The following WDR27 variants were observed in gnomAD, a reference collection of about 807,000 sequenced individuals.
The protein encoded by WDR27 is WD repeat domain 27.
In WDR27, 100 loss-of-function variants were observed where a neutral mutation model predicts 114.4. The ratio of observed to expected loss-of-function variants is 0.87; its 90% CI spans 0.74 to 1.03. WDR27 has a LOEUF of 1.03. Ranked by LOEUF, WDR27 falls within the 50% of genes least tolerant of loss-of-function variation. The probability of loss-of-function intolerance (pLI) is 0.00; values close to 1 mark genes in which losing one functional copy is unlikely to be tolerated. For missense variants in WDR27, 1,129 were observed against 1,092.9 expected (o/e 1.03, Z -0.47); for synonymous variants, 449 against 423.1 (o/e 1.06, Z -0.75).
chr6:169,575,278 ATCCCTCCCTCCCTCCCTCTC>A (rs1802083050), intron 24 of WDR27, among the ~76,000 whole-genome samples: 2 of 119,846 alleles, frequency 1.7e-5, no homozygotes, highest in African/African-American at 3.3e-5. Flanking sequence ...CTCTCCATCC[ATCCCTCCCTCCCTCCCTCTC>A]TCCATCCATC....
intron 22 of WDR27, among the ~76,000 whole-genome samples, chr6:169,605,367 T>C (rs574131393): frequency 1.3e-5 from 2 of 151,646 alleles, no homozygotes; most frequent in South Asian, 2.1e-4. Flanking sequence ...ACAATAGCTA[T>C]AAAAACAATG....
At chr6:169,481,534 CT>C (rs1169540291) in intron 25 of WDR27, among the ~76,000 whole-genome samples, 1 of 152,218 alleles carries the variant, frequency 6.6e-6, no homozygotes, top group Non-Finnish European at 1.5e-5. Context: ...TTCGTGGCGC[CT>C]TTATGAGCTG....
chr6:169,471,012 G>A lies in WDR27; in HGVS notation c.2646-13378C>T, dbSNP rs77437281. Among the ~76,000 whole-genome samples, 1,433 of 152,164 alleles carry A rather than the reference G, an allele frequency of 9.4e-3. 31 individuals are homozygous for A. The highest frequency in any genetic ancestry group is 0.031 in the African/African-American group (1,306 of 41,492). ...CTAAGTGCAGCCACATGGGGCTTTC[G>A]CTCTTGCAGGTGGTTGATAGTAGCT... On this transcript the variant is annotated intron_variant, in intron 25 of 25. Coordinates refer to ENST00000448612, the MANE Select transcript of WDR27 (RefSeq NM_182552.5).
the WDR27 span, among the ~76,000 whole-genome samples, chr6:169,430,365 G>C: frequency 6.6e-6 from 1 of 152,194 alleles, no homozygotes; most frequent in Admixed American, 6.5e-5. Context: ...AGGACCAGAC[G>C]GTCTGGTAGA....
chr6:169,665,773 G>A (rs901675621), intron 6 of WDR27, among the ~76,000 whole-genome samples: 2 of 152,170 alleles, frequency 1.3e-5, no homozygotes, highest in Non-Finnish European at 2.9e-5. Context: ...GAAGGCTGGG[G>A]ACATCACCCC....
the WDR27 span, among the ~76,000 whole-genome samples, chr6:169,450,754 C>G: frequency 6.6e-6 from 1 of 152,108 alleles, no homozygotes; most frequent in Non-Finnish European, 1.5e-5. Flanking sequence ...CTGGTGTCTT[C>G]CACTCAGCGT....
intron 12 of WDR27, among the ~76,000 whole-genome samples, 180 bp from the exon 13 acceptor site, chr6:169,658,538 T>C (rs1824975018): frequency 6.6e-6 from 1 of 152,204 alleles, no homozygotes; most frequent in South Asian, 2.1e-4. Flanking sequence ...AAAAATATTC[T>C]TAATAAAAGC....
chr6:169,510,479 T>C (rs1792669891), intron 25 of WDR27, among the ~76,000 whole-genome samples: 1 of 151,928 alleles, frequency 6.6e-6, no homozygotes, highest in African/African-American at 2.4e-5. Flanking sequence ...ATGTCCTTTG[T>C]AGGGACATGG....
At chr6:169,465,930 G>A (rs1252001676) in intron 25 of WDR27, among the ~76,000 whole-genome samples, 2 of 152,176 alleles carry the variant, frequency 1.3e-5, no homozygotes, top group Non-Finnish European at 2.9e-5. Context: ...ATAGAATTGT[G>A]GAGAGGGATA....
chr6:169,464,877 C>G (rs1583584461), intron 25 of WDR27, among the ~76,000 whole-genome samples: 1 of 152,224 alleles, frequency 6.6e-6, no homozygotes, highest in Non-Finnish European at 1.5e-5. Context: ...TCCCAGCACA[C>G]TTTGGGAGGC....
At chr6:169,686,449 C>T (rs771829413) in intron 2 of WDR27, among the ~76,000 whole-genome samples, 11 of 152,010 alleles carry the variant, frequency 7.2e-5, no homozygotes, top group Non-Finnish European at 1.5e-4. Context: ...ATAACATTCC[C>T]TATTAAAAGA....
At chr6:169,551,537 C>G (rs1475180294) in intron 25 of WDR27, among the ~76,000 whole-genome samples, 1 of 151,960 alleles carries the variant, frequency 6.6e-6, no homozygotes, top group Non-Finnish European at 1.5e-5. Context: ...GAGTTCGAGA[C>G]CAGCCTGGCC....
the WDR27 span, among the ~76,000 whole-genome samples, chr6:169,446,193 G>A: frequency 6.6e-6 from 1 of 152,236 alleles, no homozygotes; most frequent in Non-Finnish European, 1.5e-5. Context: ...GCACGAGCTG[G>A]GGGAGCGGGA....
At chr6:169,612,687 C>T (rs1210832973) in intron 22 of WDR27, among the ~76,000 whole-genome samples, 3 of 149,550 alleles carry the variant, frequency 2.0e-5, no homozygotes, top group African/African-American at 7.4e-5. Flanking sequence ...CCTGCAGGAC[C>T]TGCCTGAGGC....
downstream of WDR27, among the ~76,000 whole-genome samples, chr6:169,452,435 T>C (rs1219511095): frequency 1.3e-5 from 2 of 152,232 alleles, no homozygotes; most frequent in Non-Finnish European, 2.9e-5. Context: ...TCTGTGAGGA[T>C]CACCCTGTGA....
At position 169,679,715 on chromosome 6, in the gene WDR27, C is replaced by T. The variant is rs962652201; in HGVS notation, c.190-7319G>A. On this transcript the variant is annotated intron_variant, in intron 2 of 25. Transcript: ENST00000448612. ...CAGTCCTAATTAAAAGCAAAGCAGA[C>T]GTTGGTGTCATGCTTGTACAGTCTG... Among the ~76,000 whole-genome samples, 20 of 152,184 alleles carry T rather than the reference C, an allele frequency of 1.3e-4. 1 individual carries two copies. Among genetic ancestry groups the T allele is most frequent in the Admixed American group, 1.0e-3 (16 of 15,284 alleles).
chr6:169,562,791 A>C (rs1799854312), intron 25 of WDR27, among the ~76,000 whole-genome samples: 1 of 152,220 alleles, frequency 6.6e-6, no homozygotes, highest in African/African-American at 2.4e-5. Context: ...AATCTGCAGA[A>C]GTGAAATAAG....
chr6:169,594,441 C>T (rs1262243975), intron 23 of WDR27, among the ~76,000 whole-genome samples: 1 of 152,190 alleles, frequency 6.6e-6, no homozygotes, highest in Middle Eastern at 3.2e-3. Flanking sequence ...AATGCATTAT[C>T]AATTATGATA....
intron 13 of WDR27, among the ~76,000 whole-genome samples, chr6:169,657,312 G>A (rs1824493312): frequency 6.6e-6 from 1 of 152,234 alleles, no homozygotes; most frequent in African/African-American, 2.4e-5. Context: ...GAAGGGAGAG[G>A]CCAGAAGTCC....
Sources: gnomAD v4.1 joint callset for allele counts (sites outside exome capture counted in the v4.1 genomes callset) on GRCh38, gnomAD v4.1.1 for gene constraint, MANE v1.5 for transcripts, NCBI Gene and HGNC (gene_info 2026-07-23, HGNC 2026-07-21) for gene names.